ARHGEF28: variants seen among roughly 807,000 people sequenced by gnomAD.
ARHGEF28 encodes the protein 190 kDa guanine nucleotide exchange factor.
In ARHGEF28, 152 loss-of-function variants were observed where a neutral mutation model predicts 206.6. That is an observed-to-expected ratio of 0.74 (90% CI 0.64 to 0.84). ARHGEF28 has a LOEUF of 0.84. ARHGEF28 is among the 40% of genes least tolerant of loss of function. The pLI is 0.00. For synonymous variants in ARHGEF28, 763 were observed against 776.4 expected (o/e 0.98, Z 0.29); for missense variants, 2,028 against 2,073.2 (o/e 0.98, Z 0.42).
At chr5:73,826,038 C>G (rs1300429268) in intron 9 of ARHGEF28, among the ~76,000 whole-genome samples, 5 of 152,062 alleles carry the variant, frequency 3.3e-5, no homozygotes, top group African/African-American at 1.2e-4. Flanking sequence ...GTAGTACAAC[C>G]TGCCAACATC....
chr5:73,718,645 C>T (rs1749735527), intron 2 of ARHGEF28, among the ~76,000 whole-genome samples: 1 of 152,142 alleles, frequency 6.6e-6, no homozygotes, highest in Admixed American at 6.5e-5. Context: ...GACCCCACTT[C>T]CTCTTAGTTC....
intron 14 of ARHGEF28, among the ~76,000 whole-genome samples, chr5:73,856,204 A>G (rs1579993480): frequency 6.6e-6 from 1 of 152,252 alleles, no homozygotes; most frequent in African/African-American, 2.4e-5. Context: ...TTCGGATTCT[A>G]TTAACCAGTC....
At chr5:73,912,086 GTGT>G (rs528119099) in intron 35 of ARHGEF28, among the ~76,000 whole-genome samples, 38 of 150,112 alleles carry the variant, frequency 2.5e-4, no homozygotes, top group African/African-American at 9.3e-4. Flanking sequence ...AAAAAAAAAA[GTGT>G]TGTCTCTCCA....
At chr5:73,863,627 C>T (rs928024931) in intron 16 of ARHGEF28, among the ~76,000 whole-genome samples, 6 of 151,674 alleles carry the variant, frequency 4.0e-5, no homozygotes, top group Admixed American at 2.0e-4. Context: ...TACTGAGGCC[C>T]CCGTCTTCTG....
rs776772360 is a variant in ARHGEF28, at chr5:73,873,099, C to T, written c.2667C>T (p.Thr889=). 1.4e-5 allele frequency: 23 copies of T among 1,613,044 alleles called. No homozygotes were observed. Among genetic ancestry groups the T allele is most frequent in the East Asian group, 4.5e-5 (2 of 44,868 alleles). The part of the protein sequence containing the change: ...MKEELQLDHS[T]VDKIFPCLDE... Reference sequence around the variant, plus strand: ...AGGAGCTGCAGCTGGACCACAGCACCGTGGATAAAATTTTCCCCTGTTTAG... The same window carrying T: ...AGGAGCTGCAGCTGGACCACAGCACTGTGGATAAAATTTTCCCCTGTTTAG... The change falls in exon 22 of 36, where the codon ACC becomes ACT. Residue 889 remains threonine, a synonymous_variant. Transcript: ENST00000513042.
rs563022547 is a variant in ARHGEF28 at position 73,889,309 on chromosome 5, A to G, written c.3387+1630A>G. 2.0e-4 allele frequency among the ~76,000 whole-genome samples: 30 copies of G among 152,372 alleles called. No homozygotes were observed. The East Asian group carries it at 5.6e-3, about 28-fold the overall frequency. Reference sequence around the variant, plus strand: ...CGTGATGAATTTGGAAGTAGCCAGAAGATAAGCAGTTAAAGTAGCAAGAGG... The same window carrying G: ...CGTGATGAATTTGGAAGTAGCCAGAGGATAAGCAGTTAAAGTAGCAAGAGG... On this transcript the variant is annotated intron_variant, in intron 26 of 35. Transcript: ENST00000513042.
intron 8 of ARHGEF28, 106 bp from the exon 9 acceptor site, chr5:73,795,225 G>A: frequency 2.0e-6 from 2 of 994,994 alleles, no homozygotes; most frequent in Admixed American, 2.1e-5. Flanking sequence ...CTTGTAACAT[G>A]TTTTCATTGA....
intron 31 of ARHGEF28, 95 bp downstream of exon 31, chr5:73,901,379 A>G: frequency 1.1e-6 from 1 of 948,070 alleles, no homozygotes; most frequent in Non-Finnish European, 1.6e-6. Context: ...AGTGGGGCAA[A>G]GGTGCTTTTC....
At chr5:73,734,993 A>G (rs16870751) in intron 2 of ARHGEF28, among the ~76,000 whole-genome samples, 51,852 of 151,904 alleles carry the variant, frequency 0.34, 10,151 homozygotes, top group African/African-American at 0.54. Context: ...GTAGCCTTCT[A>G]AACAAAATAT....
intron 2 of ARHGEF28, among the ~76,000 whole-genome samples, chr5:73,697,160 G>A (rs1748267815): frequency 6.6e-6 from 1 of 152,192 alleles, no homozygotes; most frequent in African/African-American, 2.4e-5. Context: ...TTAACAGGAA[G>A]TTTTGTTAAA....
chr5:73,643,586 A>G (rs893971423), intron 1 of ARHGEF28, among the ~76,000 whole-genome samples: 1 of 152,138 alleles, frequency 6.6e-6, no homozygotes, highest in African/African-American at 2.4e-5. Flanking sequence ...AGGCCAAGGC[A>G]GGCGGATCGC....
chr5:73,931,875 G>T (rs1764143619), intron 35 of ARHGEF28, among the ~76,000 whole-genome samples: 1 of 152,156 alleles, frequency 6.6e-6, no homozygotes, highest in African/African-American at 2.4e-5. Flanking sequence ...TCAAATAAGA[G>T]ATGTATACAA....
At chr5:73,707,384 A>G (rs1194167599) in intron 2 of ARHGEF28, among the ~76,000 whole-genome samples, 1 of 152,214 alleles carries the variant, frequency 6.6e-6, no homozygotes, top group Non-Finnish European at 1.5e-5. Context: ...TGGTTTGGCC[A>G]TCCAAAGCTT....
At chr5:73,713,265 C>G (rs1162676257) in intron 2 of ARHGEF28, among the ~76,000 whole-genome samples, 2 of 152,178 alleles carry the variant, frequency 1.3e-5, no homozygotes, top group Non-Finnish European at 2.9e-5. Flanking sequence ...TGCATGCAAC[C>G]ATTCTCCTAG....
chr5:73,748,342 G>A (rs1460027269), intron 2 of ARHGEF28, among the ~76,000 whole-genome samples: 2 of 141,688 alleles, frequency 1.4e-5, no homozygotes, highest in African/African-American at 2.5e-5. Flanking sequence ...CTGCCAACCA[G>A]TGATTTTTTT....
chr5:73,665,048 C>G (rs1745860225), intron 1 of ARHGEF28, among the ~76,000 whole-genome samples: 1 of 152,062 alleles, frequency 6.6e-6, no homozygotes, highest in South Asian at 2.1e-4. Flanking sequence ...TTATCTTTCC[C>G]CTCTGTATGA....
At chr5:73,929,574 A>G (rs1763997332) in intron 35 of ARHGEF28, among the ~76,000 whole-genome samples, 1 of 152,216 alleles carries the variant, frequency 6.6e-6, no homozygotes, top group Admixed American at 6.5e-5. Flanking sequence ...ATTCTTTAAT[A>G]TGAAAGTTTT....
intron 29 of ARHGEF28, among the ~76,000 whole-genome samples, chr5:73,897,079 A>G: frequency 6.6e-6 from 1 of 152,202 alleles, no homozygotes; most frequent in East Asian, 1.9e-4. Flanking sequence ...ACTCTGCTGG[A>G]CAGCTTTTCC....
At chr5:73,653,955 G>A (rs1008663568) in intron 1 of ARHGEF28, among the ~76,000 whole-genome samples, 7 of 152,364 alleles carry the variant, frequency 4.6e-5, no homozygotes, top group African/African-American at 1.4e-4. Flanking sequence ...AAAGGTGTAT[G>A]AAAGAAAGGG....
Sources: gnomAD v4.1 joint callset for allele counts (sites outside exome capture counted in the v4.1 genomes callset) on GRCh38, gnomAD v4.1.1 for gene constraint, MANE v1.5 for transcripts, NCBI Gene and HGNC (gene_info 2026-07-23, HGNC 2026-07-21) for gene names.